RBM41: variants seen among roughly 807,000 people sequenced by gnomAD.
RBM41 encodes the protein RNA binding motif protein 41, also known as RNA-binding protein 41.
In RBM41, 14 loss-of-function variants were observed where a neutral mutation model predicts 30.8. That is an observed-to-expected ratio of 0.45 (90% CI 0.30 to 0.71). The LOEUF is 0.71. RBM41 is among the 30% of genes least tolerant of loss of function. The pLI, the probability that RBM41 is intolerant of heterozygous loss-of-function variation, is 0.08. For synonymous variants in RBM41, 120 were observed against 110.1 expected (o/e 1.09, Z -0.56); for missense variants, 276 against 326.3 (o/e 0.85, Z 1.19).
At chrX:107,061,645 T>C (rs1205746989), downstream of RBM41, among the ~76,000 whole-genome samples, 1 of 111,452 alleles carries the variant, frequency 9.0e-6, no homozygotes, top group Admixed American at 9.5e-5. Flanking sequence ...TGTCTTGCTA[T>C]GTTGCCCAGT....
intron 1 of RBM41, among the ~76,000 whole-genome samples, chrX:107,118,331 T>C (rs1925061948): frequency 9.0e-6 from 1 of 110,573 alleles, no homozygotes; most frequent in Admixed American, 9.6e-5. Flanking sequence ...AAGTAGTCTT[T>C]AACACACAGA....
intron 6 of RBM41, among the ~76,000 whole-genome samples, chrX:107,074,226 A>G (rs1038756392): frequency 4.5e-5 from 5 of 111,553 alleles, no homozygotes; most frequent in African/African-American, 1.6e-4. Context: ...ATCAGTATGT[A>G]CCCCATAAAT....
At chrX:107,085,265 T>TC (rs200571496) in intron 6 of RBM41, among the ~76,000 whole-genome samples, 31,369 of 102,954 alleles carry the variant, frequency 0.3, 4,588 homozygotes, top group African/African-American at 0.54. Context: ...TTTTTCTTTT[T>TC]TTTTTTTTTT....
At chrX:107,061,068 G>C, downstream of RBM41, among the ~76,000 whole-genome samples, 1 of 111,132 alleles carries the variant, frequency 9.0e-6, no homozygotes, top group Non-Finnish European at 1.9e-5. Flanking sequence ...AAATTGTCAT[G>C]GTCATCAAAG....
chrX:107,106,388 T>C (rs1437272145), intron 5 of RBM41, among the ~76,000 whole-genome samples: 5 of 111,408 alleles, frequency 4.5e-5, no homozygotes, highest in Non-Finnish European at 9.4e-5. Context: ...GGAGAGGATG[T>C]GGAGAAATAG....
chrX:107,079,554 C>G (rs1373731957), intron 6 of RBM41, among the ~76,000 whole-genome samples: 1 of 111,926 alleles, frequency 8.9e-6, no homozygotes, highest in African/African-American at 3.2e-5. Flanking sequence ...TTTCCCCCAT[C>G]CCTTCGATGA....
In RBM41 at chrX:107,067,111, T is replaced by C. The variant is rs764494150; in HGVS notation, c.*416A>G. 45 of 749,512 alleles carry C rather than the reference T, an allele frequency of 6.0e-5. No individual in the cohort carries two copies. In the East Asian group the frequency reaches 4.6e-3, roughly 76 times the overall value. The allele number at this position is 749,512 out of a possible 1,213,427, so 61.8% of individuals were successfully genotyped here. On this transcript the variant is annotated 3_prime_UTR_variant, in exon 8 of 8. Coordinates refer to ENST00000685964, the MANE Select transcript of RBM41 (RefSeq NM_001324242.2). ...TTTTATTTACTAGGTGGATGAAATA[T>C]GGCAAATGGGCTCTAGTAAAGAAAT...
At chrX:107,060,630 A>AT (rs780704799), downstream of RBM41, among the ~76,000 whole-genome samples, 9 of 109,169 alleles carry the variant, frequency 8.2e-5, no homozygotes, top group Admixed American at 1.9e-4. Flanking sequence ...CCCTGCCTCC[A>AT]TTTTTTTTTA....
intron 5 of RBM41, among the ~76,000 whole-genome samples, chrX:107,105,936 A>C (rs937538561): frequency 3.6e-5 from 4 of 111,860 alleles, no homozygotes; most frequent in African/African-American, 1.3e-4. Context: ...CCTAGGCAAT[A>C]CCATTCAGGA....
rs764073827 is a variant in RBM41 at position 107,067,579 on chromosome X, G to A, written c.1262C>T (p.Thr421Ile). The A allele has an allele frequency of 8.3e-7, 1 of 1,208,804 alleles. No individual in the cohort carries two copies. Among genetic ancestry groups the A allele is most frequent in the East Asian group, 3.0e-5 (1 of 33,752 alleles). The change falls in exon 8 of 8, where the codon ACT becomes ATT. Residue 421 changes from threonine to isoleucine, a missense_variant. Physicochemically the swap from Thr to Ile is moderately conservative, Grantham distance 89 (BLOSUM62 -1). Transcript: ENST00000685964. ...NKKQRSNLQA[T>I]SLISCATGST... The stretch of plus-strand genomic sequence containing the variant: ...ACCTGTAGCACATGATATGAGAGAA[G>A]TCGCTTGGAGATTTGACCGTTGCTT...
chrX:107,084,956 AC>A (rs1366303747), intron 6 of RBM41, among the ~76,000 whole-genome samples: 1 of 111,979 alleles, frequency 8.9e-6, no homozygotes, highest in Non-Finnish European at 1.9e-5. Context: ...CCAAATTGAT[AC>A]CTATAATTCT....
chrX:107,062,602 A>C lies in RBM41; in HGVS notation c.*4925T>G, dbSNP rs1406509906. ...AGGCCTGACAAATATTCTGGAAGCC[A>C]TGCCATTGGCAGAATATTTTTTAAA... On this transcript the variant is annotated 3_prime_UTR_variant, in exon 8 of 8. Transcript: ENST00000685964. 6.3e-5 allele frequency among the ~76,000 whole-genome samples: 7 copies of C among 110,692 alleles called. No individual in the cohort carries two copies. The highest frequency in any genetic ancestry group is 2.3e-4 in the African/African-American group (7 of 30,255).
chrX:107,115,863 T>A lies in RBM41; in HGVS notation c.317A>T (p.Lys106Met). 8.5e-7 allele frequency: 1 copy of A among 1,179,366 alleles called. No individual in the cohort carries two copies. The highest frequency in any genetic ancestry group is 1.8e-5 in the African/African-American group (1 of 56,621). The change falls in exon 3 of 8, where the codon AAG (lysine) becomes ATG (methionine). Residue 106 changes from lysine to methionine, a missense_variant and splice_region_variant. Transcript: ENST00000685964. ...LIWKSHVSGE[K>M]KTKLRATPEA... The stretch of plus-strand genomic sequence containing the variant: ...AAAAAAAAACATTACCCCACTCACC[T>A]TTTCACCAGAAACATGGCTCTTCCA...
intron 5 of RBM41, among the ~76,000 whole-genome samples, chrX:107,099,428 G>A (rs905699097): frequency 1.1e-4 from 12 of 111,659 alleles, no homozygotes; most frequent in Non-Finnish European, 2.1e-4. Context: ...TTTGATAGAT[G>A]CCTAAAGTGA....
intron 6 of RBM41, among the ~76,000 whole-genome samples, chrX:107,083,918 T>TG (rs201622108): frequency 8.1e-5 from 8 of 98,872 alleles, no homozygotes; most frequent in African/African-American, 1.8e-4. Flanking sequence ...AGAATGTGTG[T>TG]TTTTTTTTTT....
At chrX:107,109,002 T>C (rs1221613319) in intron 5 of RBM41, among the ~76,000 whole-genome samples, 1 of 111,706 alleles carries the variant, frequency 9.0e-6, no homozygotes, top group Non-Finnish European at 1.9e-5. Context: ...TTTTTTAATA[T>C]AATTGAAATT....
chrX:107,056,847 C>G, the RBM41 span, among the ~76,000 whole-genome samples: 2 of 102,308 alleles, frequency 2.0e-5, no homozygotes, highest in African/African-American at 7.3e-5. Context: ...ATATTGGTTT[C>G]CTAGTCCCTA....
chrX:107,111,681 A>G (rs1304019860), intron 5 of RBM41, among the ~76,000 whole-genome samples: 1 of 111,868 alleles, frequency 8.9e-6, no homozygotes, highest in Non-Finnish European at 1.9e-5. Flanking sequence ...TGCTATATAC[A>G]TACAATGGGA....
chrX:107,115,197 A>C (rs1401123470), intron 4 of RBM41, 155 bp downstream of exon 4: 1 of 537,624 alleles, frequency 1.9e-6, no homozygotes, highest in Non-Finnish European at 3.1e-6. Flanking sequence ...CTAACTGTGC[A>C]CATATTTGTC....
Sources: allele counts gnomAD v4.1 joint callset (sites outside exome capture counted in the v4.1 genomes callset), GRCh38; gene constraint gnomAD v4.1.1; transcripts MANE v1.5; gene names NCBI Gene and HGNC (gene_info 2026-07-23, HGNC 2026-07-21).